Variants in SHISA9 observed in about 807,000 individuals in gnomAD.
SHISA9 encodes the protein protein shisa-9.
A neutral mutation model predicts 38.0 loss-of-function variants in SHISA9; 13 were observed. That is an observed-to-expected ratio of 0.34 (90% CI 0.22 to 0.54). The LOEUF is 0.54. Ranked by LOEUF, SHISA9 falls within the 20% of genes least tolerant of loss-of-function variation. The probability of loss-of-function intolerance (pLI) is 0.91; values close to 1 mark genes in which losing one functional copy is unlikely to be tolerated. For synonymous variants in SHISA9, 275 were observed against 242.0 expected, an observed-to-expected ratio of 1.14 and a Z score of -1.27; for missense variants, 538 against 575.8, an observed-to-expected ratio of 0.93 and a Z score of 0.67.
intron 2 of SHISA9, among the ~76,000 whole-genome samples, chr16:13,058,362 C>T (rs572082595): frequency 2.0e-5 from 3 of 152,254 alleles, no homozygotes; most frequent in African/African-American, 7.2e-5. Flanking sequence ...CTGCTCTGTG[C>T]CCTCTTATTA....
At chr16:13,183,287 G>C (rs1002238678) in intron 2 of SHISA9, among the ~76,000 whole-genome samples, 8 of 151,762 alleles carry the variant, frequency 5.3e-5, no homozygotes, top group African/African-American at 1.9e-4. Context: ...GTCATCTTCA[G>C]AAAATACAAT....
At chr16:13,153,765 T>A (rs2050519460) in intron 2 of SHISA9, among the ~76,000 whole-genome samples, 1 of 152,222 alleles carries the variant, frequency 6.6e-6, no homozygotes, top group African/African-American at 2.4e-5. Context: ...TCATTTTGAT[T>A]ACACTTCTGC....
intron 4 of SHISA9, among the ~76,000 whole-genome samples, chr16:13,227,784 T>C (rs531793732): frequency 6.6e-6 from 1 of 152,274 alleles, no homozygotes; most frequent in South Asian, 2.1e-4. Context: ...CAAGGCCCCT[T>C]TGTGTGCCCT....
chr16:13,030,570 T>C (rs1350991053), intron 2 of SHISA9, among the ~76,000 whole-genome samples: 1 of 152,172 alleles, frequency 6.6e-6, no homozygotes, highest in East Asian at 1.9e-4. Context: ...TTTCAGAGCC[T>C]GCTTCTTAGG....
intron 2 of SHISA9, among the ~76,000 whole-genome samples, chr16:13,032,080 G>C (rs905937016): frequency 7.9e-5 from 12 of 151,672 alleles, no homozygotes; most frequent in Non-Finnish European, 1.6e-4. Flanking sequence ...ATAGGTATAC[G>C]TGTGCCATGG....
At chr16:13,535,544 A>G in the SHISA9 span, among the ~76,000 whole-genome samples, 1 of 152,158 alleles carries the variant, frequency 6.6e-6, no homozygotes. Flanking sequence ...CTTATTCTCT[A>G]CAGCTGTGTT....
intron 2 of SHISA9, among the ~76,000 whole-genome samples, chr16:13,157,536 GAAGGAATTCATACATGGAAAGTACTTAA>G (rs2050557964): frequency 6.6e-6 from 1 of 152,304 alleles, no homozygotes; most frequent in African/African-American, 2.4e-5. Context: ...CGTGAGGATT[GAAGGAATTCATACATGGAAAGTACTTAA>G]AACAGGATGT....
intron 2 of SHISA9, among the ~76,000 whole-genome samples, chr16:13,003,044 G>T (rs924361425): frequency 4.6e-5 from 7 of 152,196 alleles, no homozygotes; most frequent in African/African-American, 1.7e-4. Flanking sequence ...GGAATAGTTG[G>T]TGTTGGCCAG....
intron 2 of SHISA9, among the ~76,000 whole-genome samples, chr16:12,922,199 T>C (rs184049539): frequency 5.5e-4 from 84 of 152,378 alleles, no homozygotes; most frequent in African/African-American, 1.9e-3. Context: ...GAAATATCCA[T>C]TGGCATTTTA....
At chr16:13,398,104 A>G in the SHISA9 span, among the ~76,000 whole-genome samples, 1 of 152,134 alleles carries the variant, frequency 6.6e-6, no homozygotes, top group Non-Finnish European at 1.5e-5. Context: ...CCCCTAGACT[A>G]GTCCAGCCGC....
the SHISA9 span, among the ~76,000 whole-genome samples, chr16:13,339,357 G>A: frequency 2.4e-4 from 37 of 152,162 alleles, no homozygotes; most frequent in Admixed American, 5.9e-4. Flanking sequence ...ATGATAAGAC[G>A]TTGTTTTCAT....
chr16:13,099,980 G>GACACC (rs1327786973), intron 2 of SHISA9, among the ~76,000 whole-genome samples: 3 of 152,160 alleles, frequency 2.0e-5, no homozygotes, highest in Admixed American at 1.3e-4. Context: ...CAAGAATCCA[G>GACACC]ACACCGACAG....
At chr16:13,161,731 C>T (rs2050596810) in intron 2 of SHISA9, among the ~76,000 whole-genome samples, 1 of 152,078 alleles carries the variant, frequency 6.6e-6, no homozygotes, top group Non-Finnish European at 1.5e-5. Context: ...GAATACCTAC[C>T]ATATGCAAGA....
chr16:12,908,700 G>T, intron 1 of SHISA9: 1 of 1,496,180 alleles, frequency 6.7e-7, no homozygotes, highest in African/African-American at 1.4e-5. Flanking sequence ...TCATGCATCG[G>T]GGCCAGTTCA....
intron 2 of SHISA9, among the ~76,000 whole-genome samples, chr16:12,989,524 G>A (rs2072356795): frequency 6.6e-6 from 1 of 151,902 alleles, no homozygotes; most frequent in Admixed American, 6.6e-5. Context: ...ATTTTCTTCT[G>A]TTCTTTTCAG....
chr16:13,206,262 A>C (rs1287841170), intron 3 of SHISA9, among the ~76,000 whole-genome samples: 1 of 152,146 alleles, frequency 6.6e-6, no homozygotes, highest in African/African-American at 2.4e-5. Flanking sequence ...GGTTCCCGAA[A>C]AACTCTGGGC....
At chr16:13,313,502 G>A in the SHISA9 span, among the ~76,000 whole-genome samples, 1 of 152,144 alleles carries the variant, frequency 6.6e-6, no homozygotes, top group African/African-American at 2.4e-5. Context: ...TTAGCCATAT[G>A]GAGGTAACAG....
At chr16:13,221,215 G>T (rs2051221694) in intron 4 of SHISA9, among the ~76,000 whole-genome samples, 1 of 152,142 alleles carries the variant, frequency 6.6e-6, no homozygotes. Flanking sequence ...CCTGGTTCAT[G>T]TGCAGCCTCC....
At chr16:13,269,269 C>T in the SHISA9 span, among the ~76,000 whole-genome samples, 1 of 152,190 alleles carries the variant, frequency 6.6e-6, no homozygotes, top group South Asian at 2.1e-4. Context: ...TGGATTAAAC[C>T]CCAGTTCGGT....
Sources: allele counts gnomAD v4.1 joint callset (sites outside exome capture counted in the v4.1 genomes callset), GRCh38; gene constraint gnomAD v4.1.1; transcripts MANE v1.5; gene names NCBI Gene and HGNC (gene_info 2026-07-23, HGNC 2026-07-21).